TMEFF2: variants seen among roughly 807,000 people sequenced by gnomAD.
TMEFF2 encodes transmembrane protein with EGF like and two follistatin like domains 2.
Under a neutral mutation model 53.8 loss-of-function variants are expected in TMEFF2, and 28 were observed. That is an observed-to-expected ratio of 0.52 (90% CI 0.39 to 0.71). The LOEUF is 0.71. Among genes scored for constraint, TMEFF2 ranks in the 30% least tolerant of loss-of-function variants. TMEFF2 has a pLI of 0.00. For missense variants in TMEFF2, 353 were observed against 455.2 expected (o/e 0.78, Z 2.04); for synonymous variants, 162 against 166.3 (o/e 0.97, Z 0.20).
At chr2:192,117,375 T>C (rs1689438337) in intron 4 of TMEFF2, among the ~76,000 whole-genome samples, 1 of 152,196 alleles carries the variant, frequency 6.6e-6, no homozygotes, top group African/African-American at 2.4e-5. Flanking sequence ...TTTAAAATAC[T>C]GGTAGTAGGT....
chr2:191,995,349 G>GTGTT (rs1173315653), intron 7 of TMEFF2, among the ~76,000 whole-genome samples: 1 of 151,966 alleles, frequency 6.6e-6, no homozygotes, highest in African/African-American at 2.4e-5. Context: ...TTAATCTATA[G>GTGTT]TGTTAACTAG....
intron 5 of TMEFF2, among the ~76,000 whole-genome samples, chr2:192,024,618 G>A (rs1009394443): frequency 2.0e-5 from 3 of 152,124 alleles, no homozygotes; most frequent in African/African-American, 7.2e-5. Context: ...ATATACTCGC[G>A]GAGTACATAT....
At chr2:191,953,457 C>A (rs1208442055) in intron 9 of TMEFF2, among the ~76,000 whole-genome samples, 1 of 152,148 alleles carries the variant, frequency 6.6e-6, no homozygotes, top group African/African-American at 2.4e-5. Context: ...AAAAAACAAT[C>A]TTTATCATCA....
intron 4 of TMEFF2, among the ~76,000 whole-genome samples, chr2:192,062,166 C>A (rs1688060779): frequency 6.6e-6 from 1 of 152,108 alleles, no homozygotes; most frequent in South Asian, 2.1e-4. Context: ...TGCCCTACCA[C>A]TACCCTGTCT....
intron 4 of TMEFF2, among the ~76,000 whole-genome samples, chr2:192,157,133 T>G (rs1690524272): frequency 6.6e-6 from 1 of 152,044 alleles, no homozygotes; most frequent in South Asian, 2.1e-4. Context: ...CTACCTGACA[T>G]TTGGGACAGT....
chr2:192,027,896 C>T (rs1450374571), intron 5 of TMEFF2: 1 of 152,234 alleles, frequency 6.6e-6, no homozygotes, highest in Non-Finnish European at 1.5e-5. Context: ...CTCATGAGCG[C>T]AGGATTCTGG....
intron 4 of TMEFF2, among the ~76,000 whole-genome samples, chr2:192,100,934 T>C (rs1205796483): frequency 1.3e-5 from 2 of 152,190 alleles, no homozygotes; most frequent in African/African-American, 4.8e-5. Flanking sequence ...ATATTACTCC[T>C]TTATGGAGAC....
At chr2:191,952,096 T>C (rs553560371) in intron 9 of TMEFF2, among the ~76,000 whole-genome samples, 3 of 152,338 alleles carry the variant, frequency 2.0e-5, no homozygotes, top group African/African-American at 7.2e-5. Flanking sequence ...ATTTGCCAAC[T>C]TCTACCTCAG....
At chr2:192,067,416 G>C (rs183286141) in intron 4 of TMEFF2, among the ~76,000 whole-genome samples, 9 of 151,898 alleles carry the variant, frequency 5.9e-5, no homozygotes, top group African/African-American at 1.9e-4. Context: ...ATCTCCTCTA[G>C]TTGTATTCAT....
chr2:192,052,217 G>A (rs567134257), intron 5 of TMEFF2, among the ~76,000 whole-genome samples: 2 of 152,316 alleles, frequency 1.3e-5, no homozygotes, highest in Admixed American at 6.5e-5. Context: ...TCATCTGGCT[G>A]CATCTGCTCT....
chr2:192,177,817 G>C (rs1691082716), intron 4 of TMEFF2: 1 of 150,868 alleles, frequency 6.6e-6, no homozygotes, highest in South Asian at 2.1e-4. Flanking sequence ...CAGATCACAA[G>C]ACAACATAAT....
intron 4 of TMEFF2, among the ~76,000 whole-genome samples, chr2:192,078,779 A>C (rs1037369411): frequency 3.3e-5 from 5 of 152,228 alleles, no homozygotes; most frequent in Non-Finnish European, 5.9e-5. Flanking sequence ...CTGGTCTGAA[A>C]AAGGAAAAAA....
chr2:192,052,263 T>G (rs1687789987), intron 5 of TMEFF2, among the ~76,000 whole-genome samples: 1 of 152,240 alleles, frequency 6.6e-6, no homozygotes, highest in Non-Finnish European at 1.5e-5. Context: ...CCTGGAAATA[T>G]TAGGCATGCA....
intron 4 of TMEFF2, among the ~76,000 whole-genome samples, chr2:192,150,038 AG>A (rs1192497357): frequency 6.6e-6 from 1 of 152,024 alleles, no homozygotes; most frequent in African/African-American, 2.4e-5. Flanking sequence ...GGCACTATTT[AG>A]AACTGATATT....
intron 4 of TMEFF2, among the ~76,000 whole-genome samples, chr2:192,145,145 A>C (rs538018024): frequency 8.9e-4 from 136 of 152,114 alleles, no homozygotes; most frequent in African/African-American, 3.0e-3. Flanking sequence ...TTATATAACA[A>C]TATCTTACAT....
intron 7 of TMEFF2, among the ~76,000 whole-genome samples, chr2:191,976,685 A>G (rs1685737332): frequency 6.6e-6 from 1 of 152,204 alleles, no homozygotes; most frequent in African/African-American, 2.4e-5. Context: ...AAACAGGCAA[A>G]TACAATGCAA....
chr2:192,181,106 A>C (rs1156273554), intron 3 of TMEFF2, among the ~76,000 whole-genome samples: 1 of 151,808 alleles, frequency 6.6e-6, no homozygotes, highest in East Asian at 1.9e-4. Flanking sequence ...TAATAGACCA[A>C]GAAAGACTGA....
At chr2:192,193,002 C>T (rs140864680) in intron 1 of TMEFF2, among the ~76,000 whole-genome samples, 366 of 152,286 alleles carry the variant, frequency 2.4e-3, no homozygotes, top group African/African-American at 8.2e-3. Context: ...GGTTGCATAT[C>T]TCAACTTGTC....
chr2:192,005,567 T>G (rs1686480167), intron 5 of TMEFF2, among the ~76,000 whole-genome samples: 2 of 152,218 alleles, frequency 1.3e-5, no homozygotes. Context: ...CCATACAATA[T>G]TCCTAGTTAG....
Sources: gnomAD v4.1 joint callset for allele counts (sites outside exome capture counted in the v4.1 genomes callset) on GRCh38, gnomAD v4.1.1 for gene constraint, MANE v1.5 for transcripts, NCBI Gene and HGNC (gene_info 2026-07-23, HGNC 2026-07-21) for gene names.